Variants in FBXL22 observed in about 807,000 individuals in gnomAD.
FBXL22 encodes the protein F-box and leucine rich repeat protein 22.
FBXL22 carries 13 observed loss-of-function variants against 11.7 expected under a neutral mutation model. The observed-to-expected ratio is 1.11, with a 90% confidence interval of 0.73 to 1.77. The LOEUF (loss-of-function observed/expected upper bound fraction) is 1.77, where lower values mean the gene tolerates loss of function less well. Ranked by LOEUF, FBXL22 falls within the 40% of genes most tolerant of loss-of-function variation. The probability of loss-of-function intolerance (pLI) is 0.00; values close to 1 mark genes in which losing one functional copy is unlikely to be tolerated. For synonymous variants in FBXL22, 160 were observed against 144.1 expected (o/e 1.11, Z -0.79); for missense variants, 406 against 320.4 (o/e 1.27, Z -2.04).
At position 63,597,985 on chromosome 15, in the gene FBXL22, A is replaced by ACCAAGAAGTGGGGCCT. The variant is rs2067300865; in HGVS notation, c.353+243_353+258dup. 6.6e-6 allele frequency among the ~76,000 whole-genome samples: 1 copy of ACCAAGAAGTGGGGCCT among 152,156 alleles called. No homozygotes were observed. The highest frequency in any genetic ancestry group is 1.5e-5 in the Non-Finnish European group (1 of 68,030). ...AGGTCCTGGGCTGCTTCATGCAAAC[A>ACCAAGAAGTGGGGCCT]CCAAGAAGTGGGGCCTCCGTACTGG... is the stretch of plus-strand genomic sequence containing the variant. On this transcript the variant is annotated intron_variant, in intron 1 of 1. Coordinates refer to ENST00000638704, the MANE Select transcript of FBXL22 (RefSeq NM_001367807.1). This position sits in a 1 kb window ranked among gnomAD's most constrained non-coding sequence, Gnocchi z 4.3.
intron 1 of FBXL22, chr15:63,599,861 C>G: frequency 2.0e-6 from 2 of 985,680 alleles, no homozygotes; most frequent in Non-Finnish European, 2.4e-6. Flanking sequence ...TGGAAGGCCC[C>G]GTTGCAGGCT....
downstream of FBXL22, chr15:63,601,420 C>G: frequency 6.3e-7 from 1 of 1,589,732 alleles, no homozygotes; most frequent in Non-Finnish European, 8.6e-7. Flanking sequence ...CGCCGACTTG[C>G]GCTCGGGGGT....
chr15:63,598,630 T>C (rs1461953332), intron 1 of FBXL22, among the ~76,000 whole-genome samples: 1 of 152,308 alleles, frequency 6.6e-6, no homozygotes, highest in East Asian at 1.9e-4. Flanking sequence ...TATAACAAAC[T>C]GGCCCTGGCT....
rs1387839567 is a variant in FBXL22, at chr15:63,599,882, CCA to C, written c.354-814_354-813del. 1.1e-5 allele frequency: 11 copies of C among 985,724 alleles called. No individual in the cohort carries two copies. In the South Asian group the frequency reaches 4.2e-4, roughly 38 times the overall value. 61.1% of individuals were successfully genotyped at this position (985,724 alleles called of 1,614,324 possible). ...GCCCCGTTGCAGGCTCCTCACAACC[CCA>C]GTGGTAGACATTATTCCCCCCACGC... On this transcript the variant is annotated intron_variant, in intron 1 of 1. Coordinates refer to ENST00000638704, the MANE Select transcript of FBXL22 (RefSeq NM_001367807.1).
At position 63,601,233 on chromosome 15, in the gene FBXL22, T is replaced by A; in HGVS notation, c.*194T>A. 1 of 1,498,914 alleles carries A rather than the reference T, an allele frequency of 6.7e-7. No homozygotes were observed. The highest frequency in any genetic ancestry group is 1.3e-5 in the South Asian group (1 of 76,732). 92.9% of individuals were successfully genotyped at this position (1,498,914 alleles called of 1,614,324 possible). A position where few individuals can be genotyped will look rare whatever the true frequency, so the allele number is the denominator to read the frequency against. Reference sequence around the variant, plus strand: ...ATAAACGCAAGATTAAATGGATATTTGGAAAACACTCGGCTGGTTCTCACT... The same window carrying A: ...ATAAACGCAAGATTAAATGGATATTAGGAAAACACTCGGCTGGTTCTCACT... On this transcript the variant is annotated 3_prime_UTR_variant, in exon 2 of 2. Transcript: ENST00000638704.
Position 63,600,738 on chromosome 15 carries a change from A to C in FBXL22, c.395A>C (p.His132Pro), listed in dbSNP as rs2067354196. 3 of 1,231,466 alleles carry C rather than the reference A, an allele frequency of 2.4e-6. No individual in the cohort carries two copies. The highest frequency in any genetic ancestry group is 3.0e-6 in the Non-Finnish European group (3 of 987,772). 76.3% of individuals were successfully genotyped at this position (1,231,466 alleles called of 1,614,324 possible). ...LASVTLSGCG[H>P]VTDDCLARLL... ...TCCGTCACGCTCTCGGGCTGCGGCC[A>C]CGTTACCGACGACTGCCTGGCGCGC... is the stretch of plus-strand genomic sequence containing the variant. Residue 132 changes from histidine to proline, a missense_variant, in exon 2 of 2, where the codon CAC (histidine) becomes CCC (proline). His to Pro is a moderately conservative substitution (Grantham distance 77). Transcript: ENST00000638704.
intron 1 of FBXL22, chr15:63,600,455 T>A: frequency 8.2e-7 from 1 of 1,214,266 alleles, no homozygotes; most frequent in Non-Finnish European, 1.0e-6. Context: ...CACTAGGGGC[T>A]CCCAAGGCTA....
intron 1 of FBXL22, among the ~76,000 whole-genome samples, chr15:63,598,432 T>C (rs2067307845): frequency 6.6e-6 from 1 of 152,100 alleles, no homozygotes; most frequent in Non-Finnish European, 1.5e-5. Context: ...CAAATACATC[T>C]TGTGTTTATC....
chr15:63,607,852 G>C, the FBXL22 span, among the ~76,000 whole-genome samples: 1 of 152,078 alleles, frequency 6.6e-6, no homozygotes, highest in African/African-American at 2.4e-5. Context: ...ACTCCAAGAG[G>C]CCAAAGCCCT....
At chr15:63,599,300 T>A in intron 1 of FBXL22, 2 of 1,483,220 alleles carry the variant, frequency 1.3e-6, no homozygotes, top group Non-Finnish European at 1.8e-6. Flanking sequence ...TCTTTGTTTT[T>A]TCCCTGTATC....
intron 1 of FBXL22, chr15:63,599,356 T>C (rs1311467267): frequency 2.8e-6 from 4 of 1,436,740 alleles, no homozygotes; most frequent in African/African-American, 1.4e-5. Context: ...CCCAACACCT[T>C]TGAGGCTTAA....
downstream of FBXL22, among the ~76,000 whole-genome samples, chr15:63,607,229 T>G (rs1047469635): frequency 2.6e-5 from 4 of 152,182 alleles, no homozygotes; most frequent in African/African-American, 7.2e-5. Context: ...TTATTTTTAG[T>G]AGAGACGGGG....
In FBXL22 at chr15:63,600,839, G is replaced by A. The variant is rs2067358294; in HGVS notation, c.496G>A (p.Ala166Thr). 1.5e-5 allele frequency: 18 copies of A among 1,230,330 alleles called. No individual in the cohort carries two copies. The highest frequency in any genetic ancestry group is 8.2e-5 in the South Asian group (2 of 24,316). 76.2% of individuals were successfully genotyped at this position (1,230,330 alleles called of 1,614,324 possible). The change falls in exon 2 of 2, where the codon GCC (alanine) becomes ACC (threonine). Residue 166 changes from alanine (A) to threonine (T), a missense_variant. Coordinates refer to ENST00000638704, the MANE Select transcript of FBXL22 (RefSeq NM_001367807.1). ...GCGCGTCACCAACCGCACGTTGGCT[G>A]CCGTGGCGGCGGACGGGCGCGCGCT... ...CARVTNRTLAAVAADGRALQT... is the reference protein window; with the variant it reads ...CARVTNRTLATVAADGRALQT...
chr15:63,601,949 G>A, downstream of FBXL22: 2 of 499,264 alleles, frequency 4.0e-6, no homozygotes, highest in Non-Finnish European at 6.9e-6. Context: ...TTGAATTTCA[G>A]GGCTGTAGTC....
chr15:63,597,565 C>T lies in FBXL22; in HGVS notation c.173C>T (p.Thr58Ile), dbSNP rs1227295695. 1 of 1,614,174 alleles carries T rather than the reference C, an allele frequency of 6.2e-7. No homozygotes were observed. The highest frequency in any genetic ancestry group is 2.2e-5 in the East Asian group (1 of 44,890). Residue 58 changes from threonine (T) to isoleucine (I), a missense_variant, in exon 1 of 2, where the codon ACT (threonine) becomes ATT (isoleucine). Thr to Ile is a moderately conservative substitution (Grantham distance 89). Coordinates refer to ENST00000638704, the MANE Select transcript of FBXL22 (RefSeq NM_001367807.1). The surrounding 1 kb of genome is among the most constrained non-coding windows in gnomAD (Gnocchi z 4.3). ...TCCCTGCTGCACTTCCGTTCCCTCACTGAACTCCAGAAGGACAACTTCCTC... is the reference window on the plus strand; with the variant it reads ...TCCCTGCTGCACTTCCGTTCCCTCATTGAACTCCAGAAGGACAACTTCCTC... ...LWSLLHFRSL[T>I]ELQKDNFLLG...
At chr15:63,600,062 T>G (rs2067342047) in intron 1 of FBXL22, 1 of 985,658 alleles carries the variant, frequency 1.0e-6, no homozygotes. Flanking sequence ...TGTCCGTGAC[T>G]GTACCTGCTC....
chr15:63,600,415 G>C, intron 1 of FBXL22: 1 of 1,184,934 alleles, frequency 8.4e-7, no homozygotes. Context: ...AGCCGCCCCA[G>C]GACTCTGCTG....
chr15:63,605,006 C>T (rs908631613), downstream of FBXL22, among the ~76,000 whole-genome samples: 13 of 152,026 alleles, frequency 8.6e-5, no homozygotes, highest in Admixed American at 5.2e-4. Context: ...GAGCCGAGAT[C>T]GGGCCACTGC....
downstream of FBXL22, chr15:63,601,453 C>T: frequency 1.9e-6 from 3 of 1,571,212 alleles, no homozygotes; most frequent in Non-Finnish European, 2.6e-6. Context: ...GGCTGCCGCG[C>T]GCAGGGGTCT....
Sources: allele counts gnomAD v4.1 joint callset (sites outside exome capture counted in the v4.1 genomes callset), GRCh38; gene constraint gnomAD v4.1.1; non-coding constraint Gnocchi (gnomAD v3.1); transcripts MANE v1.5; gene names NCBI Gene and HGNC (gene_info 2026-07-23, HGNC 2026-07-21).